DAAM2: variants seen among roughly 807,000 people sequenced by gnomAD.
The protein encoded by DAAM2 is disheveled-associated activator of morphogenesis 2.
DAAM2 carries 39 observed loss-of-function variants against 120.7 expected under a neutral mutation model. The observed-to-expected ratio is 0.32, with a 90% CI of 0.25 to 0.42. The LOEUF (loss-of-function observed/expected upper bound fraction) is 0.42. DAAM2 is among the 10% of genes least tolerant of loss of function. The pLI is 1.00. For missense variants in DAAM2, 1,283 were observed against 1,401.7 expected (o/e 0.92, Z 1.35); for synonymous variants, 488 against 524.9 (o/e 0.93, Z 0.96).
At position 39,878,123 on chromosome 6, in the gene DAAM2, G is replaced by A; in HGVS notation, c.1302-80G>A. 2.0e-6 allele frequency: 3 copies of A among 1,495,442 alleles called. No individual in the cohort carries two copies. Among genetic ancestry groups the A allele is most frequent in the Non-Finnish European group, 2.8e-6 (3 of 1,085,080 alleles). The allele number at this position is 1,495,442 out of a possible 1,614,324, so 92.6% of individuals were successfully genotyped here. A position where few individuals can be genotyped will look rare whatever the true frequency, so the allele number is the denominator to read the frequency against. On this transcript the variant is annotated intron_variant, in intron 11 of 24. Transcript: ENST00000274867. The surrounding 1 kb of genome is among the most constrained non-coding windows in gnomAD (Gnocchi z 5.0). ...TGGAGACCAGGGTCCCCACCTGGAG[G>A]GTAGAAAGATGATGTCTCCTGGGAA...
intron 8 of DAAM2, among the ~76,000 whole-genome samples, chr6:39,870,684 T>G (rs540823468): frequency 6.6e-6 from 1 of 152,346 alleles, no homozygotes; most frequent in African/African-American, 2.4e-5. Context: ...ATTGCAGTAC[T>G]TCCCCCTGGG....
chr6:39,822,372 T>C (rs1221287361), intron 1 of DAAM2: 1 of 152,242 alleles, frequency 6.6e-6, no homozygotes, highest in East Asian at 1.9e-4. Flanking sequence ...AGACACTTTC[T>C]GCTAAATTAT....
chr6:39,897,343 C>T, intron 21 of DAAM2, 61 bp downstream of exon 21: 1 of 1,160,878 alleles, frequency 8.6e-7, no homozygotes, highest in Non-Finnish European at 1.3e-6. Context: ...GTCTTACTTT[C>T]CTCTTTTGGG....
At position 39,856,261 on chromosome 6, in the gene DAAM2, C is replaced by G; in HGVS notation, c.-42C>G. The G allele has an allele frequency of 7.0e-7, 1 of 1,432,094 alleles. No homozygotes were observed. Among genetic ancestry groups the G allele is most frequent in the Non-Finnish European group, 9.2e-7 (1 of 1,091,098 alleles). The allele number at this position is 1,432,094 out of a possible 1,614,324, so 88.7% of individuals were successfully genotyped here. ...CTCTTGTCCAGATCACAATGAGGAC[C>G]TAGGGCATCTGTCTGCTGACGCCCC... On this transcript the variant is annotated 5_prime_UTR_variant, in exon 2 of 25. Coordinates refer to ENST00000274867, the MANE Select transcript of DAAM2 (RefSeq NM_001201427.2).
intron 2 of DAAM2, among the ~76,000 whole-genome samples, chr6:39,859,057 C>T (rs995701875): frequency 5.3e-5 from 8 of 152,214 alleles, no homozygotes; most frequent in Non-Finnish European, 8.8e-5. Flanking sequence ...ATAGAGACCA[C>T]TGGCTGGAAA....
intron 1 of DAAM2, among the ~76,000 whole-genome samples, chr6:39,805,120 C>T (rs550274375): frequency 2.2e-4 from 34 of 152,274 alleles, no homozygotes; most frequent in Admixed American, 2.1e-3. Flanking sequence ...TTATTAAGCC[C>T]ACAGCTGCAT....
chr6:39,900,260 G>A lies in DAAM2; in HGVS notation c.2811+52G>A, dbSNP rs2295884. On this transcript the variant is annotated intron_variant, in intron 23 of 24. Transcript: ENST00000274867. ...TGCCAACCCAGCCTTATCTAAACAA[G>A]CTCCTTCACCCATTCCTACCACAGA... The A allele has an allele frequency of 9.7e-3, 15,342 of 1,587,996 alleles. 1,515 individuals are homozygous for A. In the East Asian group the frequency reaches 0.25, roughly 26 times the overall value.
chr6:39,818,440 T>C (rs1159684064), intron 1 of DAAM2, among the ~76,000 whole-genome samples: 1 of 152,106 alleles, frequency 6.6e-6, no homozygotes, highest in African/African-American at 2.4e-5. Flanking sequence ...TATCTGAGGA[T>C]GAAAGAAAGT....
At chr6:39,819,631 A>G (rs1475478168) in intron 1 of DAAM2, 1 of 152,264 alleles carries the variant, frequency 6.6e-6, no homozygotes, top group Non-Finnish European at 1.5e-5. Flanking sequence ...TACCTCTAAC[A>G]ATAGACTTTG....
intron 14 of DAAM2, chr6:39,882,045 T>C (rs1311984495): frequency 2.0e-5 from 3 of 152,148 alleles, no homozygotes; most frequent in African/African-American, 4.8e-5. Context: ...GGAAACATAA[T>C]GAAACATGCT....
At chr6:39,818,182 TAA>T (rs752326154) in intron 1 of DAAM2, among the ~76,000 whole-genome samples, 25 of 85,860 alleles carry the variant, frequency 2.9e-4, no homozygotes, top group Admixed American at 6.5e-4. Flanking sequence ...GCATCTCAAT[TAA>T]AAAAAAAAAA....
chr6:39,843,384 G>A (rs11750958), intron 1 of DAAM2, among the ~76,000 whole-genome samples: 19,321 of 152,106 alleles, frequency 0.13, 2,341 homozygotes, highest in African/African-American at 0.31. Context: ...GATCAACGCC[G>A]CTTGAACAGG....
At position 39,837,663 on chromosome 6, in the gene DAAM2, C is replaced by CAAAAAAAAA. The variant is rs758751293; in HGVS notation, c.-56-18569_-56-18561dup. On this transcript the variant is annotated intron_variant, in intron 1 of 24. Coordinates refer to ENST00000274867, the MANE Select transcript of DAAM2 (RefSeq NM_001201427.2). ...GGGCAACAAGAGCGAAACTCCATCT[C>CAAAAAAAAA]AAAAAAAAAAAAAAAAAAAAAAAGA... Among the ~76,000 whole-genome samples, 63 of 41,188 alleles carry CAAAAAAAAA rather than the reference C, an allele frequency of 1.5e-3. 2 individuals carry two copies. The highest frequency in any genetic ancestry group is 4.5e-3 in the African/African-American group (40 of 8,944). 27.0% of individuals were successfully genotyped at this position (41,188 alleles called of 152,430 possible).
At chr6:39,832,375 G>C (rs986174096) in intron 1 of DAAM2, among the ~76,000 whole-genome samples, 5 of 151,990 alleles carry the variant, frequency 3.3e-5, no homozygotes, top group African/African-American at 1.2e-4. Context: ...TTTTGCTCTT[G>C]TCCTCTTCTT....
Position 39,901,687 on chromosome 6 carries a change from AGT to A in DAAM2, c.2983-124_2983-123del. ...GCCTGTATGTCCTAGGCAGGAAGAA[AGT>A]GGGGCCAACAGATACAGGCAGGCAG... On this transcript the variant is annotated intron_variant, in intron 24 of 24. Coordinates refer to ENST00000274867, the MANE Select transcript of DAAM2 (RefSeq NM_001201427.2). The surrounding 1 kb of genome is among the most constrained non-coding windows in gnomAD (Gnocchi z 4.5). 9.7e-7 allele frequency: 1 copy of A among 1,029,840 alleles called. No individual in the cohort carries two copies. Among genetic ancestry groups the A allele is most frequent in the South Asian group, 1.7e-5 (1 of 58,962 alleles). 63.8% of individuals were successfully genotyped at this position (1,029,840 alleles called of 1,614,324 possible).
At position 39,878,143 on chromosome 6, in the gene DAAM2, TG is replaced by T; in HGVS notation, c.1302-57del. 6.3e-7 allele frequency: 1 copy of T among 1,581,382 alleles called. No individual in the cohort carries two copies. The highest frequency in any genetic ancestry group is 8.7e-7 in the Non-Finnish European group (1 of 1,154,334). On this transcript the variant is annotated intron_variant, in intron 11 of 24. Transcript: ENST00000274867. This position sits in a 1 kb window ranked among gnomAD's most constrained non-coding sequence, Gnocchi z 5.0. ...TGGAGGGTAGAAAGATGATGTCTCC[TG>T]GGAAGCTGTGAATCAATGGTCAACA...
chr6:39,897,001 C>A, intron 20 of DAAM2, 21 bp downstream of exon 20: 1 of 1,593,474 alleles, frequency 6.3e-7, no homozygotes, highest in Non-Finnish European at 8.5e-7. Flanking sequence ...CCCTTCCCGG[C>A]CACTTCCTTG....
At chr6:39,891,750 G>A (rs1249006677) in intron 19 of DAAM2, 28 bp downstream of exon 19, 2 of 1,557,380 alleles carry the variant, frequency 1.3e-6, no homozygotes, top group South Asian at 2.3e-5. Context: ...AGGAGGCTTA[G>A]AGTGGAGAGT....
intron 5 of DAAM2, among the ~76,000 whole-genome samples, chr6:39,865,737 C>T (rs1395205514): frequency 6.6e-6 from 1 of 152,138 alleles, no homozygotes; most frequent in East Asian, 1.9e-4. Context: ...GGTTGTTAAA[C>T]GTAGCTATGA....
Sources: allele counts gnomAD v4.1 joint callset (sites outside exome capture counted in the v4.1 genomes callset), GRCh38; gene constraint gnomAD v4.1.1; non-coding constraint Gnocchi (gnomAD v3.1); transcripts MANE v1.5; gene names NCBI Gene and HGNC (gene_info 2026-07-23, HGNC 2026-07-21).